Variants in PXT1 observed in about 807,000 individuals in gnomAD.
The protein encoded by PXT1 is peroxisomal testis-specific protein 1.
A neutral mutation model predicts 11.0 loss-of-function variants in PXT1; 11 were observed. That is an observed-to-expected ratio of 1.00 (90% CI 0.63 to 1.66). PXT1 has a LOEUF of 1.66. Ranked by LOEUF, PXT1 falls within the 40% of genes most tolerant of loss-of-function variation. The pLI is 0.00. For missense variants in PXT1, 141 were observed against 155.5 expected (o/e 0.91, Z 0.49); for synonymous variants, 43 against 51.4 (o/e 0.84, Z 0.70).
At chr6:36,413,539 T>C (rs1251402000) in intron 3 of PXT1, among the ~76,000 whole-genome samples, 1 of 152,218 alleles carries the variant, frequency 6.6e-6, no homozygotes, top group Non-Finnish European at 1.5e-5. Context: ...AAGGAGACTC[T>C]TTAAAACCTT....
chr6:36,411,716 A>G (rs986782631), intron 3 of PXT1, among the ~76,000 whole-genome samples: 2 of 150,786 alleles, frequency 1.3e-5, no homozygotes, highest in Admixed American at 6.6e-5. Flanking sequence ...CCAAGGCAGG[A>G]GGATTACTTG....
chr6:36,401,708 A>G (rs1486542111), intron 3 of PXT1, among the ~76,000 whole-genome samples: 1 of 151,800 alleles, frequency 6.6e-6, no homozygotes, highest in Non-Finnish European at 1.5e-5. Flanking sequence ...CAGTTTTCAA[A>G]TTTAAATTAA....
chr6:36,400,306 A>T, intron 4 of PXT1, 148 bp downstream of exon 4: 1 of 992,328 alleles, frequency 1.0e-6, no homozygotes, highest in Non-Finnish European at 1.5e-6. Flanking sequence ...TCAGGTTCAC[A>T]ATGTTTAGAT....
intron 3 of PXT1, among the ~76,000 whole-genome samples, chr6:36,421,054 CA>C (rs1185962905): frequency 0.077 from 5,703 of 74,282 alleles, 108 homozygotes; most frequent in African/African-American, 0.13. Flanking sequence ...GACTCCGTCT[CA>C]AAAAAAAAAA....
rs552741422 is a variant in PXT1 at position 36,391,927 on chromosome 6, G to A, written c.301-53C>T. The A allele has an allele frequency of 8.3e-6, 9 of 1,079,922 alleles. No homozygotes were observed. The African/African-American group carries it at 1.5e-4, about 17-fold the overall frequency. 66.9% of individuals were successfully genotyped at this position (1,079,922 alleles called of 1,614,324 possible). On this transcript the variant is annotated intron_variant, in intron 4 of 4. Transcript: ENST00000454782. ...AAGGTTTTTTTTTTTTTTTAAAAGT[G>A]ATAGAATAATCCAAAGTTAAAAATT...
intron 3 of PXT1, among the ~76,000 whole-genome samples, chr6:36,401,896 A>G (rs570160253): frequency 8.4e-4 from 125 of 148,060 alleles, no homozygotes; most frequent in Middle Eastern, 7.1e-3. Context: ...ATGTGTGTGT[A>G]TATATATATA....
intron 3 of PXT1, among the ~76,000 whole-genome samples, chr6:36,401,660 A>C (rs934085495): frequency 8.6e-5 from 13 of 151,704 alleles, no homozygotes; most frequent in African/African-American, 3.1e-4. Flanking sequence ...GGTCATTTCA[A>C]ACATACTTAA....
chr6:36,432,672 A>G (rs1209050224), intron 2 of PXT1, among the ~76,000 whole-genome samples: 1 of 152,178 alleles, frequency 6.6e-6, no homozygotes, highest in African/African-American at 2.4e-5. Flanking sequence ...CAAAAAGGAC[A>G]CTTGTTTGAA....
intron 3 of PXT1, among the ~76,000 whole-genome samples, chr6:36,421,077 C>T (rs1045233345): frequency 1.3e-5 from 2 of 150,990 alleles, no homozygotes; most frequent in South Asian, 2.1e-4. Context: ...AAAAGTATCT[C>T]GGAAGTGTCA....
chr6:36,428,718 T>TA (rs2127417244), intron 2 of PXT1, among the ~76,000 whole-genome samples: 1 of 151,628 alleles, frequency 6.6e-6, no homozygotes, highest in South Asian at 2.1e-4. Flanking sequence ...TGAAAATAAT[T>TA]AATGCTAATT....
intron 3 of PXT1, among the ~76,000 whole-genome samples, chr6:36,415,350 A>G (rs115954485): frequency 2.4e-3 from 367 of 152,262 alleles, no homozygotes; most frequent in African/African-American, 8.2e-3. Flanking sequence ...GTGCTGAGGT[A>G]GAAGAATTAC....
chr6:36,409,893 GGAAA>G (rs1774342350), intron 3 of PXT1, among the ~76,000 whole-genome samples: 1 of 132,448 alleles, frequency 7.6e-6, no homozygotes, highest in Non-Finnish European at 1.6e-5. Flanking sequence ...AAGGAAGGAA[GGAAA>G]GAAGGAAGGA....
chr6:36,429,393 A>C (rs1433089326), intron 2 of PXT1, among the ~76,000 whole-genome samples: 1 of 139,558 alleles, frequency 7.2e-6, no homozygotes, highest in Non-Finnish European at 1.5e-5. Flanking sequence ...ATGCTTCAGC[A>C]ACCATTTAGT....
intron 2 of PXT1, among the ~76,000 whole-genome samples, chr6:36,437,312 A>AC (rs1774779445): frequency 6.6e-6 from 1 of 151,330 alleles, no homozygotes; most frequent in South Asian, 2.1e-4. Flanking sequence ...AACCAAAAAA[A>AC]ACCCAAATTT....
At chr6:36,415,794 C>T (rs971242918) in intron 3 of PXT1, among the ~76,000 whole-genome samples, 9 of 152,042 alleles carry the variant, frequency 5.9e-5, no homozygotes, top group Non-Finnish European at 1.0e-4. Flanking sequence ...GGTGAAGTCC[C>T]AGAAGTTAAG....
chr6:36,419,265 T>C (rs1224759341), intron 3 of PXT1, among the ~76,000 whole-genome samples: 1 of 152,222 alleles, frequency 6.6e-6, no homozygotes, highest in Non-Finnish European at 1.5e-5. Context: ...ATCAAAAGCA[T>C]ATTGATTTGT....
chr6:36,403,141 G>A (rs1774238407), intron 3 of PXT1, among the ~76,000 whole-genome samples: 1 of 152,110 alleles, frequency 6.6e-6, no homozygotes, highest in African/African-American at 2.4e-5. Context: ...TTACAGGCAT[G>A]AGCCACTGCA....
In PXT1 at chr6:36,391,675, G is replaced by T; in HGVS notation, c.*95C>A. On this transcript the variant is annotated 3_prime_UTR_variant, in exon 5 of 5. Coordinates refer to ENST00000454782, the MANE Select transcript of PXT1 (RefSeq NM_152990.4). ...TGATGGGTACAAAAAGAGGGAGACG[G>T]AGAAGGGTGTTCTTCCCATCTGTCC... 1.2e-6 allele frequency: 1 copy of T among 852,242 alleles called. No individual in the cohort carries two copies. The highest frequency in any genetic ancestry group is 2.0e-6 in the Non-Finnish European group (1 of 499,604). 52.8% of individuals were successfully genotyped at this position (852,242 alleles called of 1,614,324 possible). A position where few individuals can be genotyped will look rare whatever the true frequency, so the allele number is the denominator to read the frequency against.
chr6:36,420,089 C>A (rs1774502472), intron 3 of PXT1, among the ~76,000 whole-genome samples: 1 of 152,196 alleles, frequency 6.6e-6, no homozygotes, highest in African/African-American at 2.4e-5. Flanking sequence ...GCACTTACAA[C>A]ATGTCAGCCA....
Sources: allele counts gnomAD v4.1 joint callset (sites outside exome capture counted in the v4.1 genomes callset), GRCh38; gene constraint gnomAD v4.1.1; transcripts MANE v1.5; gene names NCBI Gene and HGNC (gene_info 2026-07-23, HGNC 2026-07-21).